ZNF841: variants seen among roughly 807,000 people sequenced by gnomAD.
The protein encoded by ZNF841 is TCONS_00006091.
A neutral mutation model predicts 13.0 loss-of-function variants in ZNF841; 11 were observed. That is an observed-to-expected ratio of 0.85 (90% CI 0.53 to 1.40). The LOEUF (loss-of-function observed/expected upper bound fraction) is 1.40, where lower values mean the gene tolerates loss of function less well. Ranked by LOEUF, ZNF841 falls within the 40% of genes most tolerant of loss-of-function variation. The probability of loss-of-function intolerance (pLI) is 0.00; values close to 1 mark genes in which losing one functional copy is unlikely to be tolerated. For missense variants in ZNF841, 1,068 were observed against 1,139.5 expected (o/e 0.94, Z 0.90); for synonymous variants, 369 against 381.6 (o/e 0.97, Z 0.38).
rs750535094 is a variant in ZNF841 at position 52,065,247 on chromosome 19, A to T, written c.2635T>A (p.Cys879Ser). The T allele has an allele frequency of 1.9e-5, 30 of 1,613,900 alleles. No homozygotes were observed. Among genetic ancestry groups the T allele is most frequent in the Non-Finnish European group, 2.4e-5 (28 of 1,179,966 alleles). The change falls in exon 7 of 7, where the codon TGT becomes AGT. Residue 879 changes from cysteine (C) to serine (S), a missense_variant. Coordinates refer to ENST00000594440, the MANE Select transcript of ZNF841 (RefSeq NM_001136499.2). ...RIHSSEKPYK[C>S]NECGKSYISR... Reference sequence around the variant, plus strand: ...ATGTAAGATTTGCCACACTCATTACATTTATAAGGTTTTTCACTAGAATGA... The same window carrying T: ...ATGTAAGATTTGCCACACTCATTACTTTTATAAGGTTTTTCACTAGAATGA...
At chr19:52,090,355 G>C (rs60720536) in intron 2 of ZNF841, among the ~76,000 whole-genome samples, 24,836 of 151,812 alleles carry the variant, frequency 0.16, 2,635 homozygotes, top group East Asian at 0.4. Context: ...GAGGTCAGGA[G>C]TTTGAGACCA....
At chr19:52,069,935 C>G (rs1281780636) in intron 6 of ZNF841, among the ~76,000 whole-genome samples, 2 of 152,196 alleles carry the variant, frequency 1.3e-5, no homozygotes, top group Non-Finnish European at 2.9e-5. Context: ...CGTTATTAAA[C>G]AAATTTGTGA....
chr19:52,069,916 G>A lies in ZNF841; in HGVS notation c.272-2306C>T, dbSNP rs367940144. ...TATCTCATTATAAACATGAAACAAT[G>A]TTGATACACGTTATTAAACAAATTT... On this transcript the variant is annotated intron_variant, in intron 6 of 6. Coordinates refer to ENST00000594440, the MANE Select transcript of ZNF841 (RefSeq NM_001136499.2). Among the ~76,000 whole-genome samples, 113 of 152,300 alleles carry A rather than the reference G, an allele frequency of 7.4e-4. 3 individuals carry two copies. In the South Asian group the frequency reaches 0.022, roughly 29 times the overall value.
At chr19:52,084,623 A>C (rs1037725107) in intron 4 of ZNF841, among the ~76,000 whole-genome samples, 164 bp downstream of exon 4, 4 of 152,112 alleles carry the variant, frequency 2.6e-5, no homozygotes, top group Non-Finnish European at 4.4e-5. Flanking sequence ...TCACTGTGAG[A>C]TCTGGAATCT....
At chr19:52,078,495 C>T (rs1362597197) in intron 4 of ZNF841, among the ~76,000 whole-genome samples, 10 of 151,936 alleles carry the variant, frequency 6.6e-5, no homozygotes, top group East Asian at 1.9e-4. Context: ...GTCAGGAGAT[C>T]GAGACCATCC....
intron 3 of ZNF841, among the ~76,000 whole-genome samples, chr19:52,088,705 G>A (rs566173637): frequency 1.3e-5 from 2 of 152,188 alleles, no homozygotes; most frequent in East Asian, 1.9e-4. Context: ...AATGTGCCCC[G>A]TGATGTTAAT....
At chr19:52,076,007 A>G in intron 6 of ZNF841, 37 bp downstream of exon 6, 1 of 1,549,072 alleles carries the variant, frequency 6.5e-7, no homozygotes, top group Non-Finnish European at 8.7e-7. Flanking sequence ...ACACAATTTC[A>G]TGGTACCGCT....
downstream of ZNF841, chr19:52,064,352 C>CAAAAAAAAAAAAAAAAAAAA (rs1568532352): frequency 1.4e-4 from 7 of 48,976 alleles, 1 homozygote; most frequent in Middle Eastern, 0.016. Context: ...GACTCCGTCT[C>CAAAAAAAAAAAAAAAAAAAA]CAAAAAAAAA....
chr19:52,065,161 T>C lies in ZNF841; in HGVS notation c.2721A>G (p.Lys907=), dbSNP rs992901961. The change falls in exon 7 of 7, where the codon AAA becomes AAG. Residue 907 remains lysine (K), a synonymous_variant. Transcript: ENST00000594440. ...IKHAGENLTT[K]LNVERPLDVV... ...CATCTAACGGCCTTTCCACATTGAG[T>C]TTAGTTGTAAGGTTCTCTCCAGCAT... The C allele has an allele frequency of 6.3e-7, 1 of 1,576,622 alleles. No homozygotes were observed. Among genetic ancestry groups the C allele is most frequent in the Non-Finnish European group, 8.6e-7 (1 of 1,161,834 alleles).
At chr19:52,070,197 A>G (rs2087699553) in intron 6 of ZNF841, among the ~76,000 whole-genome samples, 1 of 152,240 alleles carries the variant, frequency 6.6e-6, no homozygotes. Flanking sequence ...TCAAGAGTGT[A>G]GAAATACTTC....
At chr19:52,091,710 T>C (rs146726386) in intron 2 of ZNF841, among the ~76,000 whole-genome samples, 138 of 152,266 alleles carry the variant, frequency 9.1e-4, no homozygotes, top group African/African-American at 3.3e-3. Flanking sequence ...AAGATTTAAA[T>C]ATATGATCTA....
intron 2 of ZNF841, among the ~76,000 whole-genome samples, chr19:52,092,714 G>A (rs1479257302): frequency 6.6e-6 from 1 of 152,256 alleles, no homozygotes; most frequent in Non-Finnish European, 1.5e-5. Flanking sequence ...GTTCATGGCT[G>A]TAATCCCAGC....
Position 52,076,143 on chromosome 19 carries a change from A to C in ZNF841, c.172T>G (p.Ser58Ala). 6.4e-7 allele frequency: 1 copy of C among 1,556,750 alleles called. No individual in the cohort carries two copies. The highest frequency in any genetic ancestry group is 8.7e-7 in the Non-Finnish European group (1 of 1,149,540). The change falls in exon 6 of 7, where the codon TCC (serine) becomes GCC (alanine). Residue 58 changes from serine to alanine, a missense_variant. Physicochemically the swap from Ser to Ala is moderately conservative, Grantham distance 99. Coordinates refer to ENST00000594440, the MANE Select transcript of ZNF841 (RefSeq NM_001136499.2). The stretch of plus-strand genomic sequence containing the variant: ...GGCTCTTTCCCTTGCTCCAACATGG[A>C]GATAATATTCAGGTCAGGAAGACAG... ...GLCLPDLNII[S>A]MLEQGKEPWT...
At position 52,065,346 on chromosome 19, in the gene ZNF841, C is replaced by T. The variant is rs1223417434; in HGVS notation, c.2536G>A (p.Glu846Lys). The T allele has an allele frequency of 6.2e-7, 1 of 1,608,550 alleles. No homozygotes were observed. Among genetic ancestry groups the T allele is most frequent in the South Asian group, 1.1e-5 (1 of 90,684 alleles). ...LVYHQRNHTG[E>K]KPYKCMECGK... ...CATTCCATACATTTGTATGGCTTCT[C>T]TCCAGTATGGTTTCTCTGATGGTAA... is the stretch of plus-strand genomic sequence containing the variant. The change falls in exon 7 of 7, where the codon GAG (glutamate) becomes AAG (lysine). Residue 846 changes from glutamate to lysine, a missense_variant. Glu to Lys is a moderately conservative substitution (Grantham distance 56, BLOSUM62 1). Transcript: ENST00000594440.
At chr19:52,059,370 A>AAAAAAATATATATATAT in the ZNF841 span, among the ~76,000 whole-genome samples, 2 of 69,642 alleles carry the variant, frequency 2.9e-5, no homozygotes, top group Admixed American at 2.1e-4. Flanking sequence ...AAAAAAAAAA[A>AAAAAAATATATATATAT]ATATATATAT....
At chr19:52,088,039 CAAAAAA>C (rs201567770) in intron 3 of ZNF841, among the ~76,000 whole-genome samples, 1 of 121,476 alleles carries the variant, frequency 8.2e-6, no homozygotes, top group South Asian at 2.4e-4. Flanking sequence ...CAAAATACTC[CAAAAAA>C]AAAAAAAAAA....
At chr19:52,088,020 C>T (rs901676145) in intron 3 of ZNF841, among the ~76,000 whole-genome samples, 2 of 145,006 alleles carry the variant, frequency 1.4e-5, no homozygotes, top group Non-Finnish European at 3.0e-5. Context: ...ACCATCTTAA[C>T]GTGCAGCCCA....
intron 2 of ZNF841, among the ~76,000 whole-genome samples, chr19:52,092,752 A>T (rs1036995125): frequency 2.0e-5 from 3 of 152,236 alleles, no homozygotes; most frequent in African/African-American, 7.2e-5. Context: ...CGACAAGATC[A>T]CTTGACACCA....
intron 2 of ZNF841, among the ~76,000 whole-genome samples, chr19:52,089,556 A>C (rs1215196476): frequency 6.6e-6 from 1 of 152,122 alleles, no homozygotes; most frequent in Non-Finnish European, 1.5e-5. Flanking sequence ...CTGAGGTGAG[A>C]GGATGCCTTC....
Sources: gnomAD v4.1 joint callset for allele counts (sites outside exome capture counted in the v4.1 genomes callset) on GRCh38, gnomAD v4.1.1 for gene constraint, MANE v1.5 for transcripts, NCBI Gene and HGNC (gene_info 2026-07-23, HGNC 2026-07-21) for gene names.